The following ANKRD26 variants were observed in gnomAD, a reference collection of about 807,000 sequenced individuals.
ANKRD26 encodes ankyrin repeat domain 26, also known as ankyrin repeat domain-containing protein 26.
In ANKRD26, 141 loss-of-function variants were observed where a neutral mutation model predicts 208.7. That is an observed-to-expected ratio of 0.68 (90% confidence interval 0.59 to 0.78). ANKRD26 has a LOEUF of 0.78. Ranked by LOEUF, ANKRD26 falls within the 30% of genes least tolerant of loss-of-function variation. The probability of loss-of-function intolerance (pLI) is 0.00; values close to 1 mark genes in which losing one functional copy is unlikely to be tolerated. For synonymous variants in ANKRD26, 636 were observed against 660.4 expected, an observed-to-expected ratio of 0.96 and a Z score of 0.57; for missense variants, 1,889 against 1,938.7, an observed-to-expected ratio of 0.97 and a Z score of 0.48.
At chr10:27,077,830 T>C (rs966781673) in intron 7 of ANKRD26, 137 bp from the exon 8 acceptor site, 7 of 784,270 alleles carry the variant, frequency 8.9e-6, no homozygotes, top group Non-Finnish European at 1.3e-5. Context: ...AGATGTAGAT[T>C]TAAACCTCAG....
rs201243282 is a variant in ANKRD26 at position 27,053,310 on chromosome 10, T to C, written c.1635+10A>G. ...ATATTAAACCAGAAATTTTTAAAAA[T>C]ATATAATACCTGTGGCTGGTTATTT... On this transcript the variant is annotated intron_variant, in intron 16 of 33. Coordinates refer to ENST00000376087, the MANE Select transcript of ANKRD26 (RefSeq NM_014915.3). The C allele has an allele frequency of 6.3e-7, 1 of 1,587,982 alleles. No homozygotes were observed. The highest frequency in any genetic ancestry group is 8.6e-7 in the Non-Finnish European group (1 of 1,160,486).
At chr10:26,965,434 G>C in the ANKRD26 span, among the ~76,000 whole-genome samples, 19 of 152,158 alleles carry the variant, frequency 1.2e-4, no homozygotes, top group African/African-American at 4.6e-4. Flanking sequence ...GCCATATGCA[G>C]AAAACAGAAA....
intron 16 of ANKRD26, among the ~76,000 whole-genome samples, chr10:27,050,334 GT>G (rs2054611205): frequency 2.0e-5 from 3 of 151,042 alleles, no homozygotes; most frequent in African/African-American, 7.3e-5. Flanking sequence ...CTACTTTGGA[GT>G]TAAATACTAA....
chr10:26,967,669 A>G, the ANKRD26 span, among the ~76,000 whole-genome samples: 1 of 152,186 alleles, frequency 6.6e-6, no homozygotes, highest in South Asian at 2.1e-4. Context: ...CTCAGACTCA[A>G]CGGATTCAAA....
chr10:27,046,356 C>T lies in ANKRD26; in HGVS notation c.1982G>A (p.Gly661Glu), dbSNP rs1454320053. The change falls in exon 18 of 34, where the codon GGA (glycine) becomes GAA (glutamate). Residue 661 changes from glycine (G) to glutamate (E), a missense_variant. Coordinates refer to ENST00000376087, the MANE Select transcript of ANKRD26 (RefSeq NM_014915.3). Reference protein sequence around the residue: ...SSLSEIDEDEGRPTKKTSNEK... With the variant: ...SSLSEIDEDEERPTKKTSNEK... ...ATAAAGAAATCATAGATTTTACCTT[C>T]CTTCATCCTCATCTATTTCACTTAA... The T allele has an allele frequency of 6.2e-7, 1 of 1,613,758 alleles. No individual in the cohort carries two copies. The highest frequency in any genetic ancestry group is 8.5e-7 in the Non-Finnish European group (1 of 1,179,914).
At position 27,060,422 on chromosome 10, in the gene ANKRD26, A is replaced by T. The variant is rs765377970; in HGVS notation, c.1492-5T>A. On this transcript the variant is annotated splice_polypyrimidine_tract_variant and splice_region_variant and intron_variant, in intron 14 of 33. Transcript: ENST00000376087. The stretch of plus-strand genomic sequence containing the variant: ...ATCTTTCATTTCAATGGTAGGCTGA[A>T]TGGGTTTTGAAACAAAATGATTAAT... The T allele has an allele frequency of 5.0e-6, 8 of 1,609,630 alleles. No individual in the cohort carries two copies. In the East Asian group the frequency reaches 1.8e-4, roughly 36 times the overall value.
intron 17 of ANKRD26, among the ~76,000 whole-genome samples, chr10:27,046,763 C>T (rs1199091738): frequency 6.6e-6 from 1 of 151,946 alleles, no homozygotes; most frequent in African/African-American, 2.4e-5. Flanking sequence ...AATGTATATT[C>T]CCTGCTTCAA....
At chr10:27,074,616 G>A (rs1396928852) in intron 9 of ANKRD26, among the ~76,000 whole-genome samples, 1 of 152,112 alleles carries the variant, frequency 6.6e-6, no homozygotes, top group African/African-American at 2.4e-5. Context: ...AGGGGGTGGA[G>A]GTTGCAGTGA....
At chr10:26,949,859 T>C in the ANKRD26 span, among the ~76,000 whole-genome samples, 1 of 152,260 alleles carries the variant, frequency 6.6e-6, no homozygotes, top group Admixed American at 6.5e-5. Flanking sequence ...AATTAGATGA[T>C]AATATGTCTT....
At position 27,018,295 on chromosome 10, in the gene ANKRD26, C is replaced by T. The variant is rs1387824821; in HGVS notation, c.4216-503G>A. ...GACTACAGGCACCCACCACCAGGCCCGGCTAATTTTTTGTATTTTTAGTAG... is the reference window on the plus strand; with the variant it reads ...GACTACAGGCACCCACCACCAGGCCTGGCTAATTTTTTGTATTTTTAGTAG... On this transcript the variant is annotated intron_variant, in intron 29 of 33. Transcript: ENST00000376087. 2.6e-5 allele frequency among the ~76,000 whole-genome samples: 4 copies of T among 151,710 alleles called. No homozygotes were observed. In the East Asian group the frequency reaches 7.7e-4, roughly 29 times the overall value.
At chr10:27,049,034 T>C in intron 16 of ANKRD26, 55 bp from the exon 17 acceptor site, 1 of 1,420,704 alleles carries the variant, frequency 7.0e-7, no homozygotes, top group South Asian at 1.3e-5. Context: ...AATAATAATT[T>C]CTTTGTTTTC....
chr10:26,953,329 A>G, the ANKRD26 span, among the ~76,000 whole-genome samples: 11 of 152,188 alleles, frequency 7.2e-5, no homozygotes, highest in Non-Finnish European at 1.5e-4. Flanking sequence ...AGGCTGAGGC[A>G]GGGATGTTTG....
In ANKRD26 at chr10:27,043,429, T is replaced by TCC. The variant is rs1564383563; in HGVS notation, c.2157_2158insGG (p.Lys720GlyfsTer8). 8.1e-6 allele frequency: 13 copies of TCC among 1,614,018 alleles called. No individual in the cohort carries two copies. Among genetic ancestry groups the TCC allele is most frequent in the Non-Finnish European group, 1.1e-5 (13 of 1,179,944 alleles). The stretch of plus-strand genomic sequence containing the variant: ...TAAATTTATGCAATGGTCCTACCTT[T>TCC]ACACTCCATTCCAAGTTGTTCAATG... On this transcript the variant is annotated frameshift_variant, in exon 20 of 34. Coordinates refer to ENST00000376087, the MANE Select transcript of ANKRD26 (RefSeq NM_014915.3). LOFTEE classifies it high-confidence loss of function.
the ANKRD26 span, among the ~76,000 whole-genome samples, chr10:26,956,419 A>G: frequency 3.5e-4 from 54 of 152,282 alleles, no homozygotes; most frequent in African/African-American, 1.2e-3. Flanking sequence ...TATTAATAAT[A>G]TATTTTCAGA....
downstream of ANKRD26, among the ~76,000 whole-genome samples, chr10:26,973,606 T>C: frequency 6.6e-6 from 1 of 151,476 alleles, no homozygotes; most frequent in South Asian, 2.1e-4. Context: ...ATTATTAATA[T>C]ATTGAGATGT....
intron 4 of ANKRD26, among the ~76,000 whole-genome samples, chr10:26,996,447 C>T (rs1323903245): frequency 6.6e-6 from 1 of 152,180 alleles, no homozygotes; most frequent in Non-Finnish European, 1.5e-5. Flanking sequence ...GTAATCACAG[C>T]TACTCAGGAG....
intron 9 of ANKRD26, among the ~76,000 whole-genome samples, chr10:27,074,078 T>C (rs1474378943): frequency 6.7e-6 from 1 of 150,366 alleles, no homozygotes; most frequent in African/African-American, 2.4e-5. Flanking sequence ...TCCACCCAAA[T>C]TAGAAGGAAC....
chr10:27,082,769 T>C, intron 6 of ANKRD26, 34 bp downstream of exon 6: 1 of 1,557,034 alleles, frequency 6.4e-7, no homozygotes, highest in Non-Finnish European at 8.7e-7. Context: ...CTGTATTCCT[T>C]TAAATATATT....
rs1190493427 is a variant in ANKRD26 at position 27,029,332 on chromosome 10, T to C, written c.3832A>G (p.Thr1278Ala). The C allele has an allele frequency of 1.2e-5, 19 of 1,612,768 alleles. No individual in the cohort carries two copies. Among genetic ancestry groups the C allele is most frequent in the Non-Finnish European group, 1.6e-5 (19 of 1,179,328 alleles). ...NQLQEAQDRHTEAVRCAEKMQ... is the reference protein window; with the variant it reads ...NQLQEAQDRHAEAVRCAEKMQ... ...TTCTCAGCACATCTGACAGCTTCTG[T>C]ATGTCGATCCTGTGCTTCTTGCAAC... Residue 1278 changes from threonine to alanine, a missense_variant, in exon 26 of 34, where the codon ACA (threonine) becomes GCA (alanine). Transcript: ENST00000376087.
Sources: gnomAD v4.1 joint callset for allele counts (sites outside exome capture counted in the v4.1 genomes callset) on GRCh38, gnomAD v4.1.1 for gene constraint, MANE v1.5 for transcripts, NCBI Gene and HGNC (gene_info 2026-07-23, HGNC 2026-07-21) for gene names.